The following SUN3 variants were observed in gnomAD, a reference collection of about 807,000 sequenced individuals.
SUN3 encodes the protein SUN domain-containing protein 3.
A neutral mutation model predicts 48.2 loss-of-function variants in SUN3; 36 were observed. The observed-to-expected ratio is 0.75, with a 90% CI of 0.57 to 0.99. The LOEUF (loss-of-function observed/expected upper bound fraction) is 0.99. SUN3 is among the 50% of genes least tolerant of loss of function. The pLI is 0.00. For synonymous variants in SUN3, 148 were observed against 147.9 expected, an observed-to-expected ratio of 1.00 and a Z score of 0.00; for missense variants, 419 against 433.1, an observed-to-expected ratio of 0.97 and a Z score of 0.29.
At chr7:47,988,742 T>A in intron 9 of SUN3, 46 bp downstream of exon 9, 1 of 1,210,072 alleles carries the variant, frequency 8.3e-7, no homozygotes, top group Non-Finnish European at 1.2e-6. Flanking sequence ...AACAAATTTC[T>A]CCCAGTGATA....
intron 2 of SUN3, among the ~76,000 whole-genome samples, chr7:48,018,844 T>C (rs527329292): frequency 2.6e-5 from 4 of 152,198 alleles, no homozygotes; most frequent in African/African-American, 9.6e-5. Context: ...CCCTGAGGAA[T>C]CTGACATTGG....
chr7:48,031,958 C>T (rs1473165717), upstream of SUN3, among the ~76,000 whole-genome samples: 1 of 152,116 alleles, frequency 6.6e-6, no homozygotes, highest in Non-Finnish European at 1.5e-5. Context: ...TTTGTGTCCA[C>T]ATGAATGAGC....
At chr7:48,008,979 A>C in intron 4 of SUN3, 56 bp downstream of exon 4, 3 of 1,543,730 alleles carry the variant, frequency 1.9e-6, no homozygotes. Context: ...GTACGAAAAC[A>C]TTTCAGTATT....
At position 47,995,912 on chromosome 7, in the gene SUN3, A is replaced by G. The variant is rs112362243; in HGVS notation, c.693+119T>C. The G allele has an allele frequency of 1.0e-3, 559 of 552,618 alleles. 8 individuals carry two copies. The highest frequency in any genetic ancestry group is 0.01 in the African/African-American group (503 of 50,236). The allele number at this position is 552,618 out of a possible 1,614,324, so 34.2% of individuals were successfully genotyped here. A position where few individuals can be genotyped will look rare whatever the true frequency, so the allele number is the denominator to read the frequency against. On this transcript the variant is annotated intron_variant, in intron 7 of 9. Coordinates refer to ENST00000297325, the MANE Select transcript of SUN3 (RefSeq NM_001030019.2). Reference sequence around the variant, plus strand: ...TAAAAATATAATGAGATGATTTCAGATTCTGTGACAAGTTCAGACACTCTT... The same window carrying G: ...TAAAAATATAATGAGATGATTTCAGGTTCTGTGACAAGTTCAGACACTCTT...
chr7:48,035,527 G>C, the SUN3 span: 1 of 697,674 alleles, frequency 1.4e-6, no homozygotes, highest in Admixed American at 2.0e-5. The surrounding 1 kb of genome is among the most constrained non-coding windows in gnomAD (Gnocchi z 4.0). Flanking sequence ...GTGGTTCCGC[G>C]GCGCGCTGGG....
chr7:48,018,334 T>C (rs1046574767), intron 2 of SUN3, among the ~76,000 whole-genome samples: 1 of 151,158 alleles, frequency 6.6e-6, no homozygotes, highest in Non-Finnish European at 1.5e-5. Flanking sequence ...ACTGAGATAG[T>C]GGAATAGCAA....
intron 1 of SUN3, among the ~76,000 whole-genome samples, chr7:48,028,099 A>T (rs1304894532): frequency 6.6e-6 from 1 of 152,066 alleles, no homozygotes; most frequent in African/African-American, 2.4e-5. Context: ...TATTACTGTG[A>T]TTTTGAAATG....
At chr7:48,024,852 T>A (rs1222058101) in intron 2 of SUN3, among the ~76,000 whole-genome samples, 1 of 152,162 alleles carries the variant, frequency 6.6e-6, no homozygotes, top group Non-Finnish European at 1.5e-5. Flanking sequence ...ACCAAGTGAT[T>A]CATGAGGAAT....
At chr7:48,031,371 G>T (rs1202416664), upstream of SUN3, among the ~76,000 whole-genome samples, 1 of 152,120 alleles carries the variant, frequency 6.6e-6, no homozygotes, top group Non-Finnish European at 1.5e-5. Context: ...TTATAAAAAA[G>T]ATAAACAGCT....
chr7:48,031,014 G>A (rs1354669127), upstream of SUN3, among the ~76,000 whole-genome samples: 1 of 152,080 alleles, frequency 6.6e-6, no homozygotes, highest in Admixed American at 6.5e-5. Flanking sequence ...TTAAACATAA[G>A]ACCTCTAACC....
Position 48,017,331 on chromosome 7 carries a change from A to T in SUN3, c.219T>A (p.Asp73Glu), listed in dbSNP as rs370482065. 3.1e-6 allele frequency: 5 copies of T among 1,609,830 alleles called. No homozygotes were observed. In the African/African-American group the frequency reaches 4.0e-5, roughly 13 times the overall value. ...LLNHQWLKET[D>E]VPQKSRQLYA... ...ATAATTGTCTGGATTTCTGAGGAAC[A>T]TCTGTTTCTTTAAGCCACTGATGAT... Residue 73 changes from aspartate to glutamate, a missense_variant, in exon 3 of 10, where the codon GAT (aspartate) becomes GAA (glutamate). Transcript: ENST00000297325.
intron 3 of SUN3, 37 bp from the exon 4 acceptor site, chr7:48,009,112 C>A (rs762857345): frequency 1.3e-6 from 2 of 1,587,344 alleles, no homozygotes; most frequent in South Asian, 1.2e-5. Flanking sequence ...ATTCTGAATT[C>A]TGCTTATTCA....
chr7:47,988,966 C>CT, intron 8 of SUN3, 86 bp from the exon 9 acceptor site: 1 of 766,676 alleles, frequency 1.3e-6, no homozygotes, highest in Non-Finnish European at 2.2e-6. Context: ...CCAAATATCT[C>CT]TGTGTGTCCA....
chr7:47,992,899 T>A (rs765667244), intron 8 of SUN3, among the ~76,000 whole-genome samples: 2 of 152,062 alleles, frequency 1.3e-5, no homozygotes, highest in Non-Finnish European at 2.9e-5. Flanking sequence ...ACGTCTGTAA[T>A]CCCAGCACTG....
chr7:47,991,925 C>T (rs1265149698), intron 8 of SUN3, among the ~76,000 whole-genome samples: 2 of 152,160 alleles, frequency 1.3e-5, no homozygotes. Context: ...TCTTCTTCCT[C>T]CCATCTCTAA....
At chr7:47,997,277 A>G (rs1789239820) in intron 6 of SUN3, among the ~76,000 whole-genome samples, 1 of 152,198 alleles carries the variant, frequency 6.6e-6, no homozygotes, top group Non-Finnish European at 1.5e-5. Context: ...ATATATTTAT[A>G]CTAAAAGATT....
intron 2 of SUN3, among the ~76,000 whole-genome samples, chr7:48,021,504 C>T (rs1340827486): frequency 6.6e-6 from 1 of 151,138 alleles, no homozygotes; most frequent in Non-Finnish European, 1.5e-5. Context: ...TACAAACTAC[C>T]CATCTGACAA....
At position 47,987,171 on chromosome 7, in the gene SUN3, T is replaced by A. The variant is rs1014874360; in HGVS notation, c.*159A>T. The A allele has an allele frequency of 1.7e-6, 1 of 574,688 alleles. No individual in the cohort carries two copies. Among genetic ancestry groups the A allele is most frequent in the Non-Finnish European group, 2.8e-6 (1 of 362,674 alleles). The allele number at this position is 574,688 out of a possible 1,614,324, so 35.6% of individuals were successfully genotyped here. A position where few individuals can be genotyped will look rare whatever the true frequency, so the allele number is the denominator to read the frequency against. On this transcript the variant is annotated 3_prime_UTR_variant, in exon 10 of 10. Transcript: ENST00000297325. The stretch of plus-strand genomic sequence containing the variant: ...TATTTAATTTACTTCCATATTTTTT[T>A]ATTAGTAAAATGCATTTACTTTTTA...
chr7:48,019,049 T>G (rs1474080154), intron 2 of SUN3, among the ~76,000 whole-genome samples: 1 of 152,138 alleles, frequency 6.6e-6, no homozygotes, highest in African/African-American at 2.4e-5. Flanking sequence ...AAGAACTTAC[T>G]AGAAGGGCTC....
Sources: allele counts gnomAD v4.1 joint callset (sites outside exome capture counted in the v4.1 genomes callset), GRCh38; gene constraint gnomAD v4.1.1; non-coding constraint Gnocchi (gnomAD v3.1); transcripts MANE v1.5; gene names NCBI Gene and HGNC (gene_info 2026-07-23, HGNC 2026-07-21).